The following PEX14 variants were observed in gnomAD, a reference collection of about 807,000 sequenced individuals.
The protein encoded by PEX14 is peroxisomal biogenesis factor 14.
Under a neutral mutation model 49.5 loss-of-function variants are expected in PEX14, and 15 were observed. That is an observed-to-expected ratio of 0.30 (90% CI 0.20 to 0.47). The LOEUF (loss-of-function observed/expected upper bound fraction) is 0.47. PEX14 is among the 20% of genes least tolerant of loss of function. The pLI is 1.00. For missense variants in PEX14, 398 were observed against 494.8 expected, an observed-to-expected ratio of 0.80 and a Z score of 1.86; for synonymous variants, 210 against 212.7, an observed-to-expected ratio of 0.99 and a Z score of 0.11.
chr1:10,627,574 A>G (rs550579550), intron 8 of PEX14, among the ~76,000 whole-genome samples: 1 of 152,266 alleles, frequency 6.6e-6, no homozygotes, highest in South Asian at 2.1e-4. Context: ...TCTGTGGCAC[A>G]CAAGTTTTGA....
At chr1:10,585,421 T>C (rs1009999998) in intron 3 of PEX14, among the ~76,000 whole-genome samples, 2 of 152,140 alleles carry the variant, frequency 1.3e-5, no homozygotes, top group Non-Finnish European at 2.9e-5. Context: ...AAGTTCAGCA[T>C]TTACATTAAA....
At chr1:10,520,553 G>A (rs551491837) in intron 2 of PEX14, among the ~76,000 whole-genome samples, 1 of 152,210 alleles carries the variant, frequency 6.6e-6, no homozygotes, top group Non-Finnish European at 1.5e-5. Context: ...ACATGTAGGG[G>A]CTACACGTAG....
chr1:10,498,661 C>A (rs772960715), intron 2 of PEX14, among the ~76,000 whole-genome samples: 4 of 152,190 alleles, frequency 2.6e-5, no homozygotes, highest in Admixed American at 6.5e-5. Context: ...GCAACATTGA[C>A]CGTCTCAGAG....
chr1:10,522,499 G>C (rs1638332194), intron 2 of PEX14, among the ~76,000 whole-genome samples: 1 of 152,184 alleles, frequency 6.6e-6, no homozygotes, highest in Non-Finnish European at 1.5e-5. Context: ...GTTGGAGAGG[G>C]GAGTCCCTAG....
At chr1:10,616,371 G>A (rs1401852693) in intron 4 of PEX14, among the ~76,000 whole-genome samples, 2 of 152,180 alleles carry the variant, frequency 1.3e-5, no homozygotes, top group African/African-American at 4.8e-5. Context: ...AAACTTACAG[G>A]CACAGGTGAG....
In PEX14 at chr1:10,483,738, A is replaced by G. The variant is rs896159239; in HGVS notation, c.36+8736A>G. 4.9e-5 allele frequency among the ~76,000 whole-genome samples: 7 copies of G among 142,056 alleles called. No individual in the cohort carries two copies. The South Asian group carries it at 9.6e-4, about 19-fold the overall frequency. The allele number at this position is 142,056 out of a possible 152,430, so 93.2% of individuals were successfully genotyped here. A position where few individuals can be genotyped will look rare whatever the true frequency, so the allele number is the denominator to read the frequency against. Reference sequence around the variant, plus strand: ...ATCAGTTTGAGTTTTGACAAATTGTATATACGTGTGTAACCACTACCACCC... The same window carrying G: ...ATCAGTTTGAGTTTTGACAAATTGTGTATACGTGTGTAACCACTACCACCC... On this transcript the variant is annotated intron_variant, in intron 1 of 8. Transcript: ENST00000356607.
chr1:10,537,341 A>AAC lies in PEX14; in HGVS notation c.169+1044_169+1045insAC, dbSNP rs1553187430. Reference sequence around the variant, plus strand: ...TGCTCACTGGCTGCATTGTGCCAGCACCCCCCCCCCCCGCCATCATTAGGA... The same window carrying AAC: ...TGCTCACTGGCTGCATTGTGCCAGCAACCCCCCCCCCCCCGCCATCATTAGGA... On this transcript the variant is annotated intron_variant, in intron 3 of 8. Coordinates refer to ENST00000356607, the MANE Select transcript of PEX14 (RefSeq NM_004565.3). Among the ~76,000 whole-genome samples the AAC allele has an allele frequency of 1.4e-4, 4 of 28,430 alleles. 1 individual carries two copies. Among genetic ancestry groups the AAC allele is most frequent in the Non-Finnish European group, 2.5e-4 (4 of 15,868 alleles). 18.7% of individuals were successfully genotyped at this position (28,430 alleles called of 152,430 possible).
Position 10,495,077 on chromosome 1 carries a change from T to A in PEX14, c.37-197T>A, listed in dbSNP as rs917114756. 26 of 983,090 alleles carry A rather than the reference T, an allele frequency of 2.6e-5. 1 individual carries two copies. The African/African-American group carries it at 4.4e-4, about 17-fold the overall frequency. 60.9% of individuals were successfully genotyped at this position (983,090 alleles called of 1,614,324 possible). Reference sequence around the variant, plus strand: ...AGTGAACCCAGAAACAGTCTTCATCTTCCCTGGTGAATTCAGACTCTTTGG... The same window carrying A: ...AGTGAACCCAGAAACAGTCTTCATCATCCCTGGTGAATTCAGACTCTTTGG... On this transcript the variant is annotated intron_variant, in intron 1 of 8. Coordinates refer to ENST00000356607, the MANE Select transcript of PEX14 (RefSeq NM_004565.3). This position sits in a 1 kb window ranked among gnomAD's most constrained non-coding sequence, Gnocchi z 4.2.
At chr1:10,603,146 T>C (rs1305767517) in intron 4 of PEX14, among the ~76,000 whole-genome samples, 1 of 152,222 alleles carries the variant, frequency 6.6e-6, no homozygotes, top group East Asian at 1.9e-4. Flanking sequence ...TGTTAGCAAA[T>C]GCCAGTGTTG....
At chr1:10,572,412 A>G (rs1456526309) in intron 3 of PEX14, among the ~76,000 whole-genome samples, 1 of 152,252 alleles carries the variant, frequency 6.6e-6, no homozygotes, top group Non-Finnish European at 1.5e-5. Context: ...TAACCATAGA[A>G]CAAAAAGGAT....
intron 2 of PEX14, among the ~76,000 whole-genome samples, chr1:10,520,972 C>T (rs115541756): frequency 0.023 from 2,408 of 102,728 alleles, 69 homozygotes; most frequent in African/African-American, 0.074. Context: ...TGCTCTTTGC[C>T]GTTGTCTTTT....
At chr1:10,596,611 T>G (rs1383788995) in intron 3 of PEX14, among the ~76,000 whole-genome samples, 1 of 152,180 alleles carries the variant, frequency 6.6e-6, no homozygotes, top group Non-Finnish European at 1.5e-5. Context: ...GGGAGAGCCT[T>G]GAGTGCCCAT....
intron 1 of PEX14, among the ~76,000 whole-genome samples, chr1:10,483,159 T>A (rs1233145615): frequency 6.6e-6 from 1 of 152,174 alleles, no homozygotes; most frequent in East Asian, 1.9e-4. Flanking sequence ...TTTGCTAGTA[T>A]TGTTTTAAAT....
At chr1:10,558,787 G>A (rs888153847) in intron 3 of PEX14, among the ~76,000 whole-genome samples, 1 of 151,732 alleles carries the variant, frequency 6.6e-6, no homozygotes, top group South Asian at 2.1e-4. Flanking sequence ...GAAAGAATTG[G>A]TGTCTTTGCA....
At chr1:10,596,188 G>A (rs1166238456) in intron 3 of PEX14, among the ~76,000 whole-genome samples, 1 of 152,204 alleles carries the variant, frequency 6.6e-6, no homozygotes, top group Non-Finnish European at 1.5e-5. Context: ...AATCACCTGA[G>A]TCCTGTAAAT....
intron 1 of PEX14, among the ~76,000 whole-genome samples, chr1:10,480,480 G>A (rs1262286775): frequency 7.0e-6 from 1 of 142,662 alleles, no homozygotes; most frequent in African/African-American, 2.6e-5. Flanking sequence ...TGCAACCTCT[G>A]CCTCCTGGGT....
intron 2 of PEX14, chr1:10,528,246 C>T (rs56207351): frequency 3.4e-6 from 3 of 869,952 alleles, no homozygotes; most frequent in Non-Finnish European, 2.8e-6. Context: ...CTAATCATCC[C>T]GCAGTTCAAT....
intron 3 of PEX14, among the ~76,000 whole-genome samples, chr1:10,574,621 A>G (rs1025305379): frequency 7.2e-5 from 11 of 152,212 alleles, no homozygotes; most frequent in African/African-American, 2.7e-4. Context: ...AGAGAAAAAA[A>G]CAGGAGATGC....
chr1:10,476,124 A>C (rs994811039), intron 1 of PEX14, among the ~76,000 whole-genome samples: 1 of 152,178 alleles, frequency 6.6e-6, no homozygotes, highest in Admixed American at 6.5e-5. Flanking sequence ...TCAGCAACTT[A>C]CTAGTATTTC....
Sources: gnomAD v4.1 joint callset for allele counts (sites outside exome capture counted in the v4.1 genomes callset) on GRCh38, gnomAD v4.1.1 for gene constraint, Gnocchi (gnomAD v3.1) non-coding constraint, MANE v1.5 for transcripts, NCBI Gene and HGNC (gene_info 2026-07-23, HGNC 2026-07-21) for gene names.